The following SIK3 variants were observed in gnomAD, a reference collection of about 807,000 sequenced individuals.
SIK3 encodes the protein serine/threonine-protein kinase SIK3.
SIK3 carries 28 observed loss-of-function variants against 144.2 expected under a neutral mutation model. The ratio of observed to expected loss-of-function variants is 0.19; its 90% CI spans 0.14 to 0.27. SIK3 has a LOEUF of 0.27. Ranked by LOEUF, SIK3 falls within the 10% of genes least tolerant of loss-of-function variation. SIK3 has a pLI of 1.00. For missense variants in SIK3, 1,319 were observed against 1,776.0 expected (o/e 0.74, Z 4.62); for synonymous variants, 686 against 676.3 (o/e 1.01, Z -0.22).
intron 3 of SIK3, among the ~76,000 whole-genome samples, chr11:116,936,182 G>C (rs1947908545): frequency 6.6e-6 from 1 of 152,094 alleles, no homozygotes; most frequent in South Asian, 2.1e-4. Context: ...CGTTCTCTTT[G>C]TTTGTTTGCA....
chr11:116,922,277 A>C (rs1947028684), intron 4 of SIK3, among the ~76,000 whole-genome samples: 1 of 152,090 alleles, frequency 6.6e-6, no homozygotes, highest in Non-Finnish European at 1.5e-5. Flanking sequence ...TTAAGGAGGG[A>C]GGACTGGTTG....
At chr11:116,991,451 C>CA (rs1565533700) in intron 1 of SIK3, among the ~76,000 whole-genome samples, 1 of 152,050 alleles carries the variant, frequency 6.6e-6, no homozygotes. Context: ...TGTCTCAAAA[C>CA]AAACAAAAAC....
rs1221349914 is a variant in SIK3, at chr11:116,859,610, G to A, written c.2426-6C>T. The A allele has an allele frequency of 6.2e-7, 1 of 1,611,922 alleles. No individual in the cohort carries two copies. The highest frequency in any genetic ancestry group is 8.5e-7 in the Non-Finnish European group (1 of 1,178,820). On this transcript the variant is annotated splice_region_variant and splice_polypyrimidine_tract_variant and intron_variant, in intron 19 of 24. Coordinates refer to ENST00000445177, the MANE Select transcript of SIK3 (RefSeq NM_001366686.3). ...CTGGGAAGAAGATGCAGCCCCTGGA[G>A]AGAAAGGAACCTCAGAGTGACCAAG... is the stretch of plus-strand genomic sequence containing the variant.
intron 1 of SIK3, among the ~76,000 whole-genome samples, chr11:117,017,274 G>T (rs998092867): frequency 1.2e-4 from 18 of 151,996 alleles, no homozygotes; most frequent in African/African-American, 4.3e-4. Context: ...TAATAAATAA[G>T]AAGAAGAAAA....
intron 1 of SIK3, among the ~76,000 whole-genome samples, chr11:117,062,879 A>G (rs765853133): frequency 2.4e-4 from 36 of 152,246 alleles, no homozygotes; most frequent in Non-Finnish European, 5.1e-4. Context: ...TAAATGACTA[A>G]GAACTAAAAT....
At chr11:116,984,724 A>T (rs1446205486) in intron 1 of SIK3, among the ~76,000 whole-genome samples, 1 of 152,206 alleles carries the variant, frequency 6.6e-6, no homozygotes, top group Non-Finnish European at 1.5e-5. Flanking sequence ...ACCCCAAGAC[A>T]GGCCTACAAG....
intron 1 of SIK3, among the ~76,000 whole-genome samples, chr11:116,959,525 GATGGC>G (rs1328034606): frequency 6.6e-6 from 1 of 152,156 alleles, no homozygotes; most frequent in Non-Finnish European, 1.5e-5. Context: ...CCTACTAATT[GATGGC>G]ATGTACAATG....
At chr11:117,048,330 A>T (rs1953056470) in intron 1 of SIK3, among the ~76,000 whole-genome samples, 1 of 152,204 alleles carries the variant, frequency 6.6e-6, no homozygotes, top group Non-Finnish European at 1.5e-5. Context: ...AAAGTTAATG[A>T]AATACATTTA....
chr11:117,046,371 C>A (rs968900896), intron 1 of SIK3, among the ~76,000 whole-genome samples: 1 of 152,124 alleles, frequency 6.6e-6, no homozygotes, highest in South Asian at 2.1e-4. Flanking sequence ...ATATCCTTTG[C>A]GGCACTATTC....
intron 4 of SIK3, among the ~76,000 whole-genome samples, chr11:116,902,779 T>C (rs1945807917): frequency 6.6e-6 from 1 of 152,194 alleles, no homozygotes; most frequent in Non-Finnish European, 1.5e-5. Context: ...AGCAAAATCT[T>C]GCTATTCCCT....
chr11:116,939,211 G>C (rs1008951816), intron 3 of SIK3, among the ~76,000 whole-genome samples: 2 of 152,114 alleles, frequency 1.3e-5, no homozygotes, highest in Non-Finnish European at 2.9e-5. Flanking sequence ...GCAATGGCGC[G>C]GACTCAGCTC....
At chr11:117,093,299 T>C (rs2134091805) in intron 1 of SIK3, among the ~76,000 whole-genome samples, 1 of 152,356 alleles carries the variant, frequency 6.6e-6, no homozygotes, top group Middle Eastern at 3.4e-3. Context: ...CCACTTTGAC[T>C]TGTTCTCCTC....
At chr11:116,914,730 A>G (rs796422978) in intron 4 of SIK3, among the ~76,000 whole-genome samples, 27 of 152,356 alleles carry the variant, frequency 1.8e-4, no homozygotes, top group African/African-American at 6.5e-4. Flanking sequence ...AGAAGGTTCT[A>G]TCAACAGTTC....
At chr11:117,053,353 AG>A (rs1953352091) in intron 1 of SIK3, among the ~76,000 whole-genome samples, 2 of 151,904 alleles carry the variant, frequency 1.3e-5, no homozygotes, top group Non-Finnish European at 2.9e-5. Context: ...AAAAAAAAAA[AG>A]TAAAGTGGCA....
chr11:117,022,682 G>T (rs542471599), intron 1 of SIK3, among the ~76,000 whole-genome samples: 1 of 152,232 alleles, frequency 6.6e-6, no homozygotes, highest in Non-Finnish European at 1.5e-5. Context: ...AACATAGAAA[G>T]TCACCCTGTG....
intron 1 of SIK3, among the ~76,000 whole-genome samples, chr11:116,999,810 T>C (rs1164011063): frequency 1.3e-5 from 2 of 152,214 alleles, no homozygotes; most frequent in Non-Finnish European, 2.9e-5. Flanking sequence ...TACTATTATT[T>C]CTATAAGACA....
At chr11:116,866,423 G>C (rs887536291) in intron 15 of SIK3, among the ~76,000 whole-genome samples, 1 of 152,176 alleles carries the variant, frequency 6.6e-6, no homozygotes, top group Non-Finnish European at 1.5e-5. Flanking sequence ...CAGGTCTCCA[G>C]TAATCACTCA....
intron 13 of SIK3, among the ~76,000 whole-genome samples, chr11:116,870,692 G>C (rs1943923316): frequency 6.6e-6 from 1 of 152,048 alleles, no homozygotes; most frequent in Non-Finnish European, 1.5e-5. Flanking sequence ...TACAGACATA[G>C]ACCTTGCCCT....
In SIK3 at chr11:116,873,652, TG is replaced by T. The variant is rs769223345; in HGVS notation, c.1582-17del. The T allele has an allele frequency of 6.5e-7, 1 of 1,529,604 alleles. No individual in the cohort carries two copies. The highest frequency in any genetic ancestry group is 1.3e-5 in the South Asian group (1 of 76,240). 94.8% of individuals were successfully genotyped at this position (1,529,604 alleles called of 1,614,324 possible). On this transcript the variant is annotated splice_polypyrimidine_tract_variant and intron_variant, in intron 12 of 24. Coordinates refer to ENST00000445177, the MANE Select transcript of SIK3 (RefSeq NM_001366686.3). ...GAGACTGCTCCTGCCAGGAACAGAG[TG>T]GGGAGGACGGACCATGAGATGAGGG...
Sources: gnomAD v4.1 joint callset for allele counts (sites outside exome capture counted in the v4.1 genomes callset) on GRCh38, gnomAD v4.1.1 for gene constraint, MANE v1.5 for transcripts, NCBI Gene and HGNC (gene_info 2026-07-23, HGNC 2026-07-21) for gene names.